The following XRCC4 variants were observed in gnomAD, a reference collection of about 807,000 sequenced individuals.
XRCC4 encodes DNA repair protein XRCC4.
Under a neutral mutation model 39.1 loss-of-function variants are expected in XRCC4, and 28 were observed. The observed-to-expected ratio is 0.72, with a 90% CI of 0.53 to 0.98. The LOEUF (loss-of-function observed/expected upper bound fraction) is 0.98, where lower values mean the gene tolerates loss of function less well. Among genes scored for constraint, XRCC4 ranks in the 50% least tolerant of loss-of-function variants. The pLI is 0.00. For synonymous variants in XRCC4, 123 were observed against 126.4 expected (o/e 0.97, Z 0.18); for missense variants, 350 against 376.4 (o/e 0.93, Z 0.58).
the XRCC4 span, among the ~76,000 whole-genome samples, chr5:83,359,886 G>T: frequency 6.6e-6 from 1 of 152,006 alleles, no homozygotes; most frequent in Non-Finnish European, 1.5e-5. Context: ...TAATATAAAT[G>T]TTTAAGTTTA....
chr5:83,091,105 T>C (rs1463484593), intron 1 of XRCC4, among the ~76,000 whole-genome samples: 1 of 152,182 alleles, frequency 6.6e-6, no homozygotes, highest in Non-Finnish European at 1.5e-5. Flanking sequence ...AAGTCAGACT[T>C]ATTTCTCATA....
intron 7 of XRCC4, among the ~76,000 whole-genome samples, chr5:83,297,257 T>G (rs893281429): frequency 6.6e-6 from 1 of 151,972 alleles, no homozygotes; most frequent in Non-Finnish European, 1.5e-5. Flanking sequence ...AAAACAAGAC[T>G]AAGTTATTGA....
chr5:83,090,061 G>GT (rs548348946), intron 1 of XRCC4, among the ~76,000 whole-genome samples: 203 of 152,110 alleles, frequency 1.3e-3, no homozygotes, highest in Non-Finnish European at 3.4e-4. Flanking sequence ...CAAGAGTTTT[G>GT]TTTTTTTGAG....
At chr5:83,281,677 C>A (rs1754545155) in intron 7 of XRCC4, among the ~76,000 whole-genome samples, 1 of 152,116 alleles carries the variant, frequency 6.6e-6, no homozygotes. Context: ...AGTTTTACCC[C>A]CTTATGTAAC....
intron 7 of XRCC4, among the ~76,000 whole-genome samples, chr5:83,326,886 G>A (rs543283363): frequency 1.3e-5 from 2 of 151,870 alleles, no homozygotes; most frequent in East Asian, 1.9e-4. Flanking sequence ...TTGCTGTTCC[G>A]TGAATATATA....
intron 7 of XRCC4, among the ~76,000 whole-genome samples, chr5:83,342,552 A>G (rs866764161): frequency 9.2e-5 from 14 of 152,296 alleles, no homozygotes; most frequent in Admixed American, 2.0e-4. Context: ...TAGGAATTTA[A>G]CTGAAAATAA....
chr5:83,315,009 A>T (rs986226032), intron 7 of XRCC4, among the ~76,000 whole-genome samples: 5 of 152,178 alleles, frequency 3.3e-5, no homozygotes, highest in African/African-American at 1.2e-4. Flanking sequence ...TTGAAAGCCA[A>T]AAGTCAAAAG....
chr5:83,112,482 A>C (rs987462025), intron 3 of XRCC4, among the ~76,000 whole-genome samples: 16 of 152,340 alleles, frequency 1.1e-4, no homozygotes, highest in Admixed American at 6.5e-5. Flanking sequence ...ATAAATTCCA[A>C]ATTAGTGAGG....
At chr5:83,160,257 AT>A (rs1207830481) in intron 3 of XRCC4, among the ~76,000 whole-genome samples, 1 of 152,216 alleles carries the variant, frequency 6.6e-6, no homozygotes, top group Non-Finnish European at 1.5e-5. Context: ...ATATTAAATT[AT>A]TTGAGGGAAT....
intron 6 of XRCC4, among the ~76,000 whole-genome samples, chr5:83,230,100 A>G (rs1204613693): frequency 6.6e-6 from 1 of 151,826 alleles, no homozygotes; most frequent in Non-Finnish European, 1.5e-5. Flanking sequence ...TAACATTTGC[A>G]GCATGTTTGA....
At chr5:83,293,596 TGC>T (rs1363638842) in intron 7 of XRCC4, among the ~76,000 whole-genome samples, 1 of 152,022 alleles carries the variant, frequency 6.6e-6, no homozygotes, top group Non-Finnish European at 1.5e-5. Context: ...GCTTGTAGGC[TGC>T]TAAGCACATC....
chr5:83,179,852 T>C (rs1243378207), intron 3 of XRCC4, among the ~76,000 whole-genome samples: 8 of 152,190 alleles, frequency 5.3e-5, no homozygotes, highest in African/African-American at 1.4e-4. Context: ...AGGCCATAAT[T>C]ATCTTTAATT....
chr5:83,183,762 T>C (rs1366149886), intron 3 of XRCC4, among the ~76,000 whole-genome samples: 1 of 152,184 alleles, frequency 6.6e-6, no homozygotes, highest in Non-Finnish European at 1.5e-5. Flanking sequence ...TATTTGTTTT[T>C]GGCAAGAAAA....
At chr5:83,231,799 A>G (rs560090060) in intron 6 of XRCC4, among the ~76,000 whole-genome samples, 1 of 152,230 alleles carries the variant, frequency 6.6e-6, no homozygotes, top group East Asian at 1.9e-4. Context: ...TAGCCTAAAA[A>G]GACTCCATTC....
In XRCC4 at chr5:83,244,122, T is replaced by G. The variant is rs142110052; in HGVS notation, c.746-14408T>G. Among the ~76,000 whole-genome samples the G allele has an allele frequency of 2.3e-3, 348 of 152,328 alleles. 1 individual carries two copies. Among genetic ancestry groups the G allele is most frequent in the African/African-American group, 7.9e-3 (329 of 41,570 alleles). On this transcript the variant is annotated intron_variant, in intron 6 of 7. Coordinates refer to ENST00000396027, the MANE Select transcript of XRCC4 (RefSeq NM_003401.5). ...TATTATTTCAAGGATTGTACTGTTA[T>G]GTAATGGTATATATAGTAGAAAAGG...
intron 3 of XRCC4, among the ~76,000 whole-genome samples, chr5:83,166,444 A>G (rs959682191): frequency 1.3e-5 from 2 of 149,376 alleles, no homozygotes; most frequent in Non-Finnish European, 3.0e-5. Context: ...CCAACAGTAT[A>G]TAAGTGTTCC....
At chr5:83,325,051 A>C (rs1235377037) in intron 7 of XRCC4, among the ~76,000 whole-genome samples, 2 of 152,030 alleles carry the variant, frequency 1.3e-5, no homozygotes, top group African/African-American at 4.8e-5. Context: ...CTTCTTTGGC[A>C]GGTAGGTGTC....
At chr5:83,210,726 G>A (rs755886867) in intron 6 of XRCC4, among the ~76,000 whole-genome samples, 4 of 152,098 alleles carry the variant, frequency 2.6e-5, no homozygotes, top group Non-Finnish European at 2.9e-5. Flanking sequence ...GATAGTCAAC[G>A]TCATCAGATT....
At chr5:83,144,267 CTGTGTGTG>C (rs56769195) in intron 3 of XRCC4, among the ~76,000 whole-genome samples, 4,035 of 140,120 alleles carry the variant, frequency 0.029, 127 homozygotes, top group African/African-American at 0.08. Context: ...TAATATTCCT[CTGTGTGTG>C]TGTGTGTGTG....
Sources: allele counts gnomAD v4.1 joint callset (sites outside exome capture counted in the v4.1 genomes callset), GRCh38; gene constraint gnomAD v4.1.1; transcripts MANE v1.5; gene names NCBI Gene and HGNC (gene_info 2026-07-23, HGNC 2026-07-21).